The following EDA variants were observed in gnomAD, a reference collection of about 807,000 sequenced individuals.
The protein encoded by EDA is ectodysplasin-A.
EDA carries 2 observed loss-of-function variants against 23.6 expected under a neutral mutation model. The ratio of observed to expected loss-of-function variants is 0.08; its 90% CI spans 0.03 to 0.27. The LOEUF is 0.27. Ranked by LOEUF, EDA falls within the 10% of genes least tolerant of loss-of-function variation. EDA has a pLI of 1.00. For synonymous variants in EDA, 131 were observed against 132.0 expected (o/e 0.99, Z 0.05); for missense variants, 229 against 324.2 (o/e 0.71, Z 2.26).
rs778930849 is a variant in EDA, at chrX:69,645,687, T to A, written c.396+28983T>A. 2.1e-3 allele frequency among the ~76,000 whole-genome samples: 221 copies of A among 103,049 alleles called. 1 individual carries two copies. Among genetic ancestry groups the A allele is most frequent in the African/African-American group, 7.5e-3 (206 of 27,381 alleles). The allele number at this position is 103,049 out of a possible 115,157, so 89.5% of individuals were successfully genotyped here. On this transcript the variant is annotated intron_variant, in intron 1 of 7. Coordinates refer to ENST00000374552, the MANE Select transcript of EDA (RefSeq NM_001399.5). ...ACATGTGCACAATGTGCACGTTTGT[T>A]ACATATGTATACATGTGCCATGTTG...
chrX:69,707,222 AC>A (rs1228384043), intron 1 of EDA, among the ~76,000 whole-genome samples: 42 of 112,258 alleles, frequency 3.7e-4, no homozygotes, highest in African/African-American at 1.4e-3. Flanking sequence ...ACTAATTCTT[AC>A]AAATATTTTT....
intron 1 of EDA, among the ~76,000 whole-genome samples, chrX:69,712,225 T>A (rs957391762): frequency 8.9e-6 from 1 of 111,896 alleles, no homozygotes; most frequent in African/African-American, 3.2e-5. Context: ...AAAGAACATC[T>A]TTATTTTTGC....
intron 1 of EDA, among the ~76,000 whole-genome samples, chrX:69,812,265 A>G (rs2015977655): frequency 8.9e-6 from 1 of 112,139 alleles, no homozygotes; most frequent in Non-Finnish European, 1.9e-5. Flanking sequence ...CTCTTCCACT[A>G]TGTAATTCTA....
intron 1 of EDA, among the ~76,000 whole-genome samples, chrX:69,665,523 G>A (rs1331453972): frequency 1.8e-5 from 2 of 111,117 alleles, no homozygotes. Flanking sequence ...TTTGCACGTG[G>A]AAATCCAGTT....
chrX:69,946,344 T>A (rs184126864), intron 1 of EDA, among the ~76,000 whole-genome samples: 23 of 111,531 alleles, frequency 2.1e-4, no homozygotes, highest in Non-Finnish European at 1.5e-4. Flanking sequence ...TATACTCACA[T>A]TCCTGTGAGC....
chrX:69,655,787 T>TATATATATATA (rs6151315), intron 1 of EDA, among the ~76,000 whole-genome samples: 13 of 88,326 alleles, frequency 1.5e-4, no homozygotes, highest in South Asian at 5.9e-4. Context: ...TATATATATA[T>TATATATATATA]TGCACTTTGT....
chrX:69,774,043 T>A (rs1157470388), intron 1 of EDA, among the ~76,000 whole-genome samples: 2 of 111,949 alleles, frequency 1.8e-5, no homozygotes, highest in African/African-American at 6.5e-5. Context: ...CTTAGCCTGG[T>A]GCTAATTATT....
chrX:69,982,582 A>G (rs1342855333), intron 2 of EDA, among the ~76,000 whole-genome samples: 1 of 111,624 alleles, frequency 9.0e-6, no homozygotes, highest in Non-Finnish European at 1.9e-5. Context: ...ATATCCAGAA[A>G]TTCACTTTTG....
At chrX:69,632,997 T>C (rs1369296371) in intron 1 of EDA, among the ~76,000 whole-genome samples, 6 of 111,505 alleles carry the variant, frequency 5.4e-5, no homozygotes, top group Non-Finnish European at 7.5e-5. Flanking sequence ...AAAACTACCC[T>C]TTCCTACTTC....
intron 2 of EDA, among the ~76,000 whole-genome samples, chrX:69,987,311 T>TAA (rs1270338172): frequency 0.02 from 2,048 of 101,684 alleles, 45 homozygotes; most frequent in African/African-American, 0.065. Context: ...TTTTTTTTTT[T>TAA]AAAAATAAAT....
intron 1 of EDA, among the ~76,000 whole-genome samples, chrX:69,677,835 A>G (rs1934163927): frequency 1.8e-5 from 2 of 111,349 alleles, no homozygotes; most frequent in Non-Finnish European, 3.8e-5. Context: ...ATTAGATCCC[A>G]TTTGTCAATT....
chrX:69,863,555 A>G (rs751249976), intron 1 of EDA, among the ~76,000 whole-genome samples: 3 of 61,698 alleles, frequency 4.9e-5, no homozygotes, highest in Admixed American at 1.6e-4. Flanking sequence ...ACATATATGT[A>G]TATATATGTG....
intron 1 of EDA, among the ~76,000 whole-genome samples, chrX:69,631,381 C>CA (rs1212176285): frequency 0.24 from 12,786 of 52,633 alleles, 1,256 homozygotes; most frequent in Non-Finnish European, 0.31. Context: ...GACTCCGTGT[C>CA]AAAAAAAAAA....
intron 1 of EDA, among the ~76,000 whole-genome samples, chrX:69,799,878 C>T (rs1446057257): frequency 2.0e-5 from 2 of 101,372 alleles, no homozygotes; most frequent in African/African-American, 6.7e-5. Flanking sequence ...GGGAATTTAT[C>T]CAAAGGAAAA....
chrX:69,755,288 C>T (rs2147399939), intron 1 of EDA, among the ~76,000 whole-genome samples: 1 of 112,172 alleles, frequency 8.9e-6, no homozygotes, highest in African/African-American at 3.2e-5. Context: ...ACAGTTATGA[C>T]CCTCATCTGC....
At chrX:69,889,728 G>C (rs2017894738) in intron 1 of EDA, among the ~76,000 whole-genome samples, 1 of 111,740 alleles carries the variant, frequency 8.9e-6, no homozygotes, top group African/African-American at 3.3e-5. Flanking sequence ...CTCTCATTCT[G>C]TAGGTTTTTG....
At chrX:69,908,868 T>A (rs2018216615) in intron 1 of EDA, among the ~76,000 whole-genome samples, 1 of 109,644 alleles carries the variant, frequency 9.1e-6, no homozygotes, top group East Asian at 2.9e-4. Flanking sequence ...TTTAATAAGT[T>A]AGTGAGCTCC....
chrX:69,634,675 T>G (rs181990527), intron 1 of EDA, among the ~76,000 whole-genome samples: 8 of 99,057 alleles, frequency 8.1e-5, no homozygotes, highest in Admixed American at 3.2e-4. Context: ...GCTTTCTTAT[T>G]TTTTTTTCCT....
At chrX:69,907,601 T>TAA (rs1005345500) in intron 1 of EDA, among the ~76,000 whole-genome samples, 1 of 109,929 alleles carries the variant, frequency 9.1e-6, no homozygotes, top group Admixed American at 9.7e-5. Flanking sequence ...CAGAGCCTTG[T>TAA]AAAAAAAAAT....
Sources: allele counts gnomAD v4.1 joint callset (sites outside exome capture counted in the v4.1 genomes callset), GRCh38; gene constraint gnomAD v4.1.1; transcripts MANE v1.5; gene names NCBI Gene and HGNC (gene_info 2026-07-23, HGNC 2026-07-21).